Variants in CD22 observed in about 807,000 individuals in gnomAD.
CD22 encodes the protein CD22 molecule.
Under a neutral mutation model 94.7 loss-of-function variants are expected in CD22, and 51 were observed. The observed-to-expected ratio is 0.54, with a 90% CI of 0.43 to 0.68. CD22 has a LOEUF of 0.68. Among genes scored for constraint, CD22 ranks in the 30% least tolerant of loss-of-function variants. The pLI, the probability that CD22 is intolerant of heterozygous loss-of-function variation, is 0.00. For synonymous variants in CD22, 424 were observed against 422.5 expected, an observed-to-expected ratio of 1.00 and a Z score of -0.04; for missense variants, 931 against 1,060.4, an observed-to-expected ratio of 0.88 and a Z score of 1.69.
chr19:35,342,283 C>G (rs772891143), intron 9 of CD22, among the ~76,000 whole-genome samples: 2 of 152,040 alleles, frequency 1.3e-5, no homozygotes, highest in Non-Finnish European at 2.9e-5. Flanking sequence ...AATCCTTTCG[C>G]CTCAGCCTCC....
At position 35,342,000 on chromosome 19, in the gene CD22, G is replaced by A; in HGVS notation, c.2035+35G>A. 1 of 1,501,400 alleles carries A rather than the reference G, an allele frequency of 6.7e-7. No individual in the cohort carries two copies. Among genetic ancestry groups the A allele is most frequent in the Non-Finnish European group, 9.1e-7 (1 of 1,103,388 alleles). The allele number at this position is 1,501,400 out of a possible 1,614,324, so 93.0% of individuals were successfully genotyped here. A position where few individuals can be genotyped will look rare whatever the true frequency, so the allele number is the denominator to read the frequency against. ...CTTCCTGCTCTTGTTCTTCTTGGTGGTGGTCAGTCCTTCCTTCCTTCCTTC... is the reference window on the plus strand; with the variant it reads ...CTTCCTGCTCTTGTTCTTCTTGGTGATGGTCAGTCCTTCCTTCCTTCCTTC... On this transcript the variant is annotated intron_variant, in intron 9 of 13. Coordinates refer to ENST00000085219, the MANE Select transcript of CD22 (RefSeq NM_001771.4). This position sits in a 1 kb window ranked among gnomAD's most constrained non-coding sequence, Gnocchi z 4.0.
intron 13 of CD22, 69 bp downstream of exon 13, chr19:35,346,304 G>T: frequency 7.3e-7 from 1 of 1,372,718 alleles, no homozygotes; most frequent in Non-Finnish European, 1.0e-6. Context: ...TGGCCTCAGT[G>T]GTGGGTCCCA....
chr19:35,338,345 C>T lies in CD22; in HGVS notation c.1163C>T (p.Pro388Leu). 1 of 1,614,212 alleles carries T rather than the reference C, an allele frequency of 6.2e-7. No individual in the cohort carries two copies. Among genetic ancestry groups the T allele is most frequent in the Middle Eastern group, 1.6e-4 (1 of 6,062 alleles). The change falls in exon 6 of 14, where the codon CCC becomes CTC. Residue 388 changes from proline to leucine, a missense_variant. Physicochemically the swap from Pro to Leu is moderately conservative, Grantham distance 98 (BLOSUM62 -3). Coordinates refer to ENST00000085219, the MANE Select transcript of CD22 (RefSeq NM_001771.4). ...EEKVHIPKILPWHAGTYSCVA... is the reference protein window; with the variant it reads ...EEKVHIPKILLWHAGTYSCVA... Reference sequence around the variant, plus strand: ...AAAGTCCACATCCCAAAGATCCTCCCCTGGCACGCTGGGACTTATTCCTGT... The same window carrying T: ...AAAGTCCACATCCCAAAGATCCTCCTCTGGCACGCTGGGACTTATTCCTGT...
chr19:35,338,404 G>A lies in CD22; in HGVS notation c.1222G>A (p.Gly408Ser). ...AAACATTCTTGGTACTGGACAGAGG[G>A]GCCCGGGAGCTGAGCTGGATGTCCA... ...AENILGTGQR[G>S]PGAELDVQYP... The change falls in exon 6 of 14, where the codon GGC (glycine) becomes AGC (serine). Residue 408 changes from glycine to serine, a missense_variant. Coordinates refer to ENST00000085219, the MANE Select transcript of CD22 (RefSeq NM_001771.4). 1 of 1,613,860 alleles carries A rather than the reference G, an allele frequency of 6.2e-7. No individual in the cohort carries two copies. The highest frequency in any genetic ancestry group is 8.5e-7 in the Non-Finnish European group (1 of 1,179,792).
At chr19:35,336,543 A>G in intron 4 of CD22, 1 of 569,312 alleles carries the variant, frequency 1.8e-6, no homozygotes. Flanking sequence ...TCCATCCTCA[A>G]GCCATGACAT....
At position 35,332,602 on chromosome 19, in the gene CD22, A is replaced by C. The variant is rs1489394651; in HGVS notation, c.90A>C (p.Glu30Asp). 6.2e-7 allele frequency: 1 copy of C among 1,614,078 alleles called. No homozygotes were observed. The highest frequency in any genetic ancestry group is 8.5e-7 in the Non-Finnish European group (1 of 1,179,992). The change falls in exon 3 of 14, where the codon GAA becomes GAC. Residue 30 changes from glutamate (E) to aspartate (D), a missense_variant. Coordinates refer to ENST00000085219, the MANE Select transcript of CD22 (RefSeq NM_001771.4). Reference sequence around the variant, plus strand: ...GTAAATGGGTTTTTGAGCACCCTGAAACCCTCTACGCCTGGGAGGGGGCCT... The same window carrying C: ...GTAAATGGGTTTTTGAGCACCCTGACACCCTCTACGCCTGGGAGGGGGCCT... Reference protein sequence around the residue: ...DSSKWVFEHPETLYAWEGACV... With the variant: ...DSSKWVFEHPDTLYAWEGACV...
chr19:35,346,457 C>T (rs906754392), intron 13 of CD22, 109 bp from the exon 14 acceptor site: 33 of 1,451,244 alleles, frequency 2.3e-5, no homozygotes, highest in African/African-American at 9.9e-5. Context: ...CGAGGACACC[C>T]GCCTGGGCTT....
chr19:35,346,769 C>T lies in CD22; in HGVS notation c.*72C>T, dbSNP rs550161148. ...GAAGTCCCCGAGTTTCCCCAGACACCGCCACATGGCTTCCTCCTGCGCGCA... is the reference window on the plus strand; with the variant it reads ...GAAGTCCCCGAGTTTCCCCAGACACTGCCACATGGCTTCCTCCTGCGCGCA... On this transcript the variant is annotated 3_prime_UTR_variant, in exon 14 of 14. Transcript: ENST00000085219. 18 of 1,427,640 alleles carry T rather than the reference C, an allele frequency of 1.3e-5. No individual in the cohort carries two copies. In the East Asian group the frequency reaches 2.4e-4, roughly 19 times the overall value. 88.4% of individuals were successfully genotyped at this position (1,427,640 alleles called of 1,614,324 possible).
At position 35,336,049 on chromosome 19, in the gene CD22, A is replaced by T. The variant is rs759113204; in HGVS notation, c.426A>T (p.Pro142=). The change falls in exon 4 of 14, where the codon CCA becomes CCT. Residue 142 remains proline (P), a synonymous_variant. Coordinates refer to ENST00000085219, the MANE Select transcript of CD22 (RefSeq NM_001771.4). ...GTTCTTTTGCAGAAAGGCCTTTTCCACCTCATATCCAGCTCCCTCCAGAAA... is the reference window on the plus strand; with the variant it reads ...GTTCTTTTGCAGAAAGGCCTTTTCCTCCTCATATCCAGCTCCCTCCAGAAA... ...IHLNVSERPF[P]PHIQLPPEIQ... 31 of 1,612,938 alleles carry T rather than the reference A, an allele frequency of 1.9e-5. No homozygotes were observed. Among genetic ancestry groups the T allele is most frequent in the Non-Finnish European group, 5.1e-6 (6 of 1,179,392 alleles).
chr19:35,329,260 T>C (rs898323583), intron 1 of CD22, 30 bp downstream of exon 1: 2 of 1,279,812 alleles, frequency 1.6e-6, no homozygotes, highest in African/African-American at 3.0e-5. Flanking sequence ...TATTTTGCAT[T>C]CAACAAGCAA....
intron 6 of CD22, 112 bp from the exon 7 acceptor site, chr19:35,340,769 T>C: frequency 8.5e-7 from 1 of 1,175,366 alleles, no homozygotes; most frequent in Non-Finnish European, 1.2e-6. Context: ...CTTTGATTAA[T>C]TTAGGACCTG....
chr19:35,337,743 C>G lies in CD22; in HGVS notation c.719-12C>G. 1 of 1,583,758 alleles carries G rather than the reference C, an allele frequency of 6.3e-7. No individual in the cohort carries two copies. Among genetic ancestry groups the G allele is most frequent in the African/African-American group, 1.3e-5 (1 of 74,640 alleles). ...CCCCGCCCCCTCCCCGACTGCCCCT[C>G]TGCTCCTCCAGACACCCCGAAGTTG... On this transcript the variant is annotated splice_polypyrimidine_tract_variant and intron_variant, in intron 4 of 13. Transcript: ENST00000085219. This position sits in a 1 kb window ranked among gnomAD's most constrained non-coding sequence, Gnocchi z 4.4.
intron 1 of CD22, among the ~76,000 whole-genome samples, chr19:35,331,226 C>T (rs2066641107): frequency 6.6e-6 from 1 of 151,870 alleles, no homozygotes; most frequent in Admixed American, 6.6e-5. Flanking sequence ...CCTGGCTCAC[C>T]CATACTTTGT....
At chr19:35,344,768 C>A in intron 9 of CD22, 61 bp from the exon 10 acceptor site, 2 of 1,304,296 alleles carry the variant, frequency 1.5e-6, no homozygotes, top group Non-Finnish European at 2.2e-6. Context: ...GCCTTCCAGG[C>A]AAAGGCTGCC....
intron 1 of CD22, chr19:35,330,875 C>G (rs1444107516): frequency 6.6e-6 from 1 of 152,202 alleles, no homozygotes; most frequent in East Asian, 1.9e-4. Context: ...AGTTGCAGAA[C>G]CTAACCCACA....
Position 35,346,211 on chromosome 19 carries a change from T to C in CD22, c.2388T>C (p.Tyr796=). 6.2e-7 allele frequency: 1 copy of C among 1,614,018 alleles called. No homozygotes were observed. The highest frequency in any genetic ancestry group is 1.1e-5 in the South Asian group (1 of 91,088). ...PPPDCDDTVT[Y]SALHKRQVGD... is the part of the protein sequence containing the mutation. ...CGGACTGCGATGACACGGTCACTTA[T>C]TCAGCATTGCACAAGCGCCAAGTGG... is the stretch of plus-strand genomic sequence containing the variant. Residue 796 remains tyrosine, a synonymous_variant, in exon 13 of 14, where the codon TAT becomes TAC. Transcript: ENST00000085219.
chr19:35,340,130 C>G (rs1038453773), intron 6 of CD22, among the ~76,000 whole-genome samples: 10 of 152,204 alleles, frequency 6.6e-5, no homozygotes, highest in African/African-American at 2.4e-4. Flanking sequence ...CTGAGCATCT[C>G]AGACAGCTGG....
chr19:35,338,603 G>C (rs1347586132), intron 6 of CD22, among the ~76,000 whole-genome samples, 172 bp downstream of exon 6: 1 of 151,962 alleles, frequency 6.6e-6, no homozygotes, highest in Admixed American at 6.6e-5. Flanking sequence ...GGCTCATGGA[G>C]GGTGCTTGGT....
Position 35,337,996 on chromosome 19 carries a change from G to A in CD22, c.960G>A (p.Ser320=), listed in dbSNP as rs550216523. 187 of 1,612,840 alleles carry A rather than the reference G, an allele frequency of 1.2e-4. No individual in the cohort carries two copies. The highest frequency in any genetic ancestry group is 3.3e-4 in the South Asian group (30 of 90,904). ...QVSNDVGPGR[S]EEVFLQVQYA... ...CCAATGACGTGGGCCCGGGAAGGTC[G>A]GAAGAAGTGTTCCTGCAAGTGCAGT... Residue 320 remains serine, a synonymous_variant, in exon 5 of 14, where the codon TCG becomes TCA. Transcript: ENST00000085219. The surrounding 1 kb of genome is among the most constrained non-coding windows in gnomAD (Gnocchi z 4.4).
Sources: gnomAD v4.1 joint callset for allele counts (sites outside exome capture counted in the v4.1 genomes callset) on GRCh38, gnomAD v4.1.1 for gene constraint, Gnocchi (gnomAD v3.1) non-coding constraint, MANE v1.5 for transcripts, NCBI Gene and HGNC (gene_info 2026-07-23, HGNC 2026-07-21) for gene names.